NEK11: variants seen among roughly 807,000 people sequenced by gnomAD.
The protein encoded by NEK11 is NIMA related kinase 11.
In NEK11, 72 loss-of-function variants were observed where a neutral mutation model predicts 80.7. The observed-to-expected ratio is 0.89, with a 90% CI of 0.74 to 1.08. The LOEUF (loss-of-function observed/expected upper bound fraction) is 1.08. Among genes scored for constraint, NEK11 ranks in the 50% least tolerant of loss-of-function variants. The pLI, the probability that NEK11 is intolerant of heterozygous loss-of-function variation, is 0.00. For synonymous variants in NEK11, 251 were observed against 260.7 expected (o/e 0.96, Z 0.36); for missense variants, 764 against 763.6 (o/e 1.00, Z -0.01).
intron 7 of NEK11, among the ~76,000 whole-genome samples, chr3:131,141,977 TC>T (rs1264076365): frequency 6.6e-6 from 1 of 152,176 alleles, no homozygotes; most frequent in Non-Finnish European, 1.5e-5. Flanking sequence ...AACAAAGAAC[TC>T]CAAAAAATCT....
chr3:131,094,470 G>T (rs142365190), intron 4 of NEK11, among the ~76,000 whole-genome samples: 1 of 152,198 alleles, frequency 6.6e-6, no homozygotes, highest in East Asian at 1.9e-4. Context: ...CCATCAATCA[G>T]TAATACCTTT....
chr3:131,345,571 A>G (rs147466716), intron 17 of NEK11, among the ~76,000 whole-genome samples: 61 of 152,336 alleles, frequency 4.0e-4, no homozygotes, highest in African/African-American at 1.5e-3. Context: ...GAACCCTAAT[A>G]TATACTGCTG....
At chr3:131,224,367 A>G (rs1437761106) in intron 14 of NEK11, among the ~76,000 whole-genome samples, 1 of 151,992 alleles carries the variant, frequency 6.6e-6, no homozygotes, top group African/African-American at 2.4e-5. Flanking sequence ...AGCCGGGACC[A>G]CAGGTGTGCG....
chr3:131,181,662 C>CGTGA (rs1259228854), intron 14 of NEK11, among the ~76,000 whole-genome samples: 1 of 142,572 alleles, frequency 7.0e-6, no homozygotes, highest in Non-Finnish European at 1.5e-5. Flanking sequence ...AGGAGAATGG[C>CGTGA]GTGAACTCAG....
chr3:131,210,984 A>G (rs928519342), intron 14 of NEK11, among the ~76,000 whole-genome samples: 56 of 152,130 alleles, frequency 3.7e-4, no homozygotes, highest in Non-Finnish European at 6.5e-4. Context: ...TTTAAGATTA[A>G]TATTGTTATG....
chr3:131,238,103 C>T (rs1239652016), intron 15 of NEK11, among the ~76,000 whole-genome samples: 4 of 152,140 alleles, frequency 2.6e-5, no homozygotes, highest in South Asian at 2.1e-4. Context: ...GCCTTGAATG[C>T]TCTTCCCACC....
intron 14 of NEK11, among the ~76,000 whole-genome samples, chr3:131,194,506 C>T (rs2093924115): frequency 6.6e-6 from 1 of 152,070 alleles, no homozygotes; most frequent in Non-Finnish European, 1.5e-5. Context: ...CTTACTTCAA[C>T]ATTGATAATG....
At chr3:131,032,110 C>CA (rs2064949683) in intron 3 of NEK11, among the ~76,000 whole-genome samples, 1 of 151,960 alleles carries the variant, frequency 6.6e-6, no homozygotes, top group South Asian at 2.1e-4. Flanking sequence ...TACAGGCATG[C>CA]ACCACCACAC....
At chr3:131,273,705 T>C in intron 17 of NEK11, 131 bp downstream of exon 17, 1 of 627,060 alleles carries the variant, frequency 1.6e-6, no homozygotes. Context: ...GACTAAGCTG[T>C]TCCAACTTAG....
At chr3:131,348,595 G>A (rs554512489) in intron 17 of NEK11, among the ~76,000 whole-genome samples, 2 of 151,762 alleles carry the variant, frequency 1.3e-5, no homozygotes, top group Non-Finnish European at 2.9e-5. Flanking sequence ...AACATGTTAT[G>A]GACCAAATGT....
At chr3:131,290,975 G>C (rs537470446) in intron 17 of NEK11, among the ~76,000 whole-genome samples, 1 of 152,164 alleles carries the variant, frequency 6.6e-6, no homozygotes, top group South Asian at 2.1e-4. Flanking sequence ...TAACTTTAAG[G>C]CTCACTGTTG....
intron 3 of NEK11, among the ~76,000 whole-genome samples, chr3:131,068,630 G>A (rs528778500): frequency 4.6e-5 from 7 of 152,134 alleles, no homozygotes; most frequent in South Asian, 2.1e-4. Flanking sequence ...TTGGGCAGGC[G>A]GGAGAAACCA....
intron 14 of NEK11, among the ~76,000 whole-genome samples, chr3:131,174,520 A>C (rs1197176885): frequency 6.6e-6 from 1 of 152,246 alleles, no homozygotes; most frequent in Non-Finnish European, 1.5e-5. Flanking sequence ...ATGAGGAGTT[A>C]GTTGCAGAGA....
At chr3:131,313,215 T>C (rs4561803) in intron 17 of NEK11, among the ~76,000 whole-genome samples, 2,864 of 152,298 alleles carry the variant, frequency 0.019, 47 homozygotes, top group East Asian at 0.088. Flanking sequence ...TCTTTATCCA[T>C]TCTACCATTG....
chr3:131,269,494 C>T (rs1262877236), intron 16 of NEK11, among the ~76,000 whole-genome samples: 2 of 152,156 alleles, frequency 1.3e-5, no homozygotes, highest in African/African-American at 4.8e-5. Context: ...TGGCACAGTC[C>T]CTCATGGCTT....
intron 12 of NEK11, among the ~76,000 whole-genome samples, chr3:131,167,683 A>G (rs2150019084): frequency 6.6e-6 from 1 of 152,316 alleles, no homozygotes; most frequent in African/African-American, 2.4e-5. Context: ...ATTACTCCAC[A>G]GAACATGGGA....
chr3:131,092,070 A>G (rs1219410932), intron 4 of NEK11, among the ~76,000 whole-genome samples: 1 of 152,254 alleles, frequency 6.6e-6, no homozygotes, highest in Non-Finnish European at 1.5e-5. Flanking sequence ...AATGCAAGGT[A>G]TGGAGGCAGC....
chr3:131,317,897 C>G (rs2096860572), intron 17 of NEK11, among the ~76,000 whole-genome samples: 2 of 133,336 alleles, frequency 1.5e-5, no homozygotes, highest in South Asian at 5.0e-4. Context: ...AACAAGTTCC[C>G]CAGATGAGAA....
At chr3:131,178,072 T>C (rs947952160) in intron 14 of NEK11, among the ~76,000 whole-genome samples, 1 of 152,162 alleles carries the variant, frequency 6.6e-6, no homozygotes, top group African/African-American at 2.4e-5. Context: ...TATTTGTATA[T>C]CTAAACACAG....
Sources: allele counts gnomAD v4.1 joint callset (sites outside exome capture counted in the v4.1 genomes callset), GRCh38; gene constraint gnomAD v4.1.1; transcripts MANE v1.5; gene names NCBI Gene and HGNC (gene_info 2026-07-23, HGNC 2026-07-21).